The following GPR137B variants were observed in gnomAD, a reference collection of about 807,000 sequenced individuals.
GPR137B encodes the protein integral membrane protein GPR137B.
In GPR137B, 42 loss-of-function variants were observed where a neutral mutation model predicts 42.5. The observed-to-expected ratio is 0.99, with a 90% CI of 0.77 to 1.28. GPR137B has a LOEUF of 1.28. Among genes scored for constraint, GPR137B ranks in the 50% most tolerant of loss-of-function variants. The pLI is 0.00. For synonymous variants in GPR137B, 218 were observed against 209.7 expected (o/e 1.04, Z -0.34); for missense variants, 487 against 493.9 (o/e 0.99, Z 0.13).
intron 5 of GPR137B, among the ~76,000 whole-genome samples, chr1:236,187,662 G>A (rs1484834104): frequency 6.6e-6 from 1 of 151,330 alleles, no homozygotes; most frequent in Non-Finnish European, 1.5e-5. Flanking sequence ...TTATTTCTGA[G>A]GCTTCTGTTC....
intron 5 of GPR137B, among the ~76,000 whole-genome samples, chr1:236,193,999 T>C (rs1453079684): frequency 6.6e-6 from 1 of 152,214 alleles, no homozygotes; most frequent in African/African-American, 2.4e-5. Context: ...ACTTTACAGA[T>C]GGTGTGAAAG....
chr1:236,153,061 A>G (rs1350604192), intron 1 of GPR137B, among the ~76,000 whole-genome samples: 11 of 142,346 alleles, frequency 7.7e-5, no homozygotes, highest in African/African-American at 2.5e-4. Flanking sequence ...ATCTCGGGGA[A>G]AAAAAAAAAA....
At chr1:236,172,862 A>AG (rs1252059955) in intron 2 of GPR137B, among the ~76,000 whole-genome samples, 1 of 144,624 alleles carries the variant, frequency 6.9e-6, no homozygotes, top group Non-Finnish European at 1.5e-5. Flanking sequence ...TTAAAAAAAA[A>AG]TTTTTTTTTT....
intron 5 of GPR137B, among the ~76,000 whole-genome samples, chr1:236,200,671 T>G (rs1558496262): frequency 6.6e-6 from 1 of 152,060 alleles, no homozygotes; most frequent in Non-Finnish European, 1.5e-5. Flanking sequence ...TCCTGCTTAC[T>G]TTTTGTTTTC....
At chr1:236,166,214 G>A (rs1662348428) in intron 1 of GPR137B, among the ~76,000 whole-genome samples, 1 of 152,128 alleles carries the variant, frequency 6.6e-6, no homozygotes, top group African/African-American at 2.4e-5. Flanking sequence ...TCTGTGTTGT[G>A]TGAAATCAGT....
rs1208446394 is a variant in GPR137B at position 236,178,613 on chromosome 1, G to C, written c.664G>C (p.Ala222Pro). 6.2e-7 allele frequency: 1 copy of C among 1,609,598 alleles called. No individual in the cohort carries two copies. Among genetic ancestry groups the C allele is most frequent in the African/African-American group, 1.3e-5 (1 of 74,744 alleles). Reference sequence around the variant, plus strand: ...CTACAAAATCTCTAAGATGTCCTTAGCCAACATTTACTTGGAGTCCAAGGT... The same window carrying C: ...CTACAAAATCTCTAAGATGTCCTTACCCAACATTTACTTGGAGTCCAAGGT... Reference protein sequence around the residue: ...CLYKISKMSLANIYLESKGSS... With the variant: ...CLYKISKMSLPNIYLESKGSS... Residue 222 changes from alanine to proline, a missense_variant, in exon 3 of 7, where the codon GCC becomes CCC. By Grantham distance (27) the Ala-to-Pro change is conservative. Transcript: ENST00000366592.
In GPR137B at chr1:236,159,541, C is replaced by T. The variant is rs547963335; in HGVS notation, c.415-9165C>T. ...TACAAAAATGAGCCAGGCATGGTGG[C>T]GGGTGCTTGTAATCCCAGCTACTCG... On this transcript the variant is annotated intron_variant, in intron 1 of 6. Coordinates refer to ENST00000366592, the MANE Select transcript of GPR137B (RefSeq NM_003272.4). Among the ~76,000 whole-genome samples, 184 of 150,538 alleles carry T rather than the reference C, an allele frequency of 1.2e-3. 1 individual carries two copies. The highest frequency in any genetic ancestry group is 4.2e-3 in the African/African-American group (171 of 40,888).
intron 6 of GPR137B, chr1:236,207,126 GT>G: frequency 3.0e-6 from 3 of 984,940 alleles, no homozygotes; most frequent in Non-Finnish European, 3.6e-6. Context: ...AAGAGTCCTT[GT>G]TTTAGGGACA....
intron 5 of GPR137B, among the ~76,000 whole-genome samples, chr1:236,186,513 G>A (rs1247504490): frequency 3.0e-5 from 4 of 131,540 alleles, no homozygotes; most frequent in Non-Finnish European, 6.4e-5. Flanking sequence ...ACAGGCCCCA[G>A]TGTGTGATGT....
At chr1:236,147,270 C>G (rs1205052022) in intron 1 of GPR137B, among the ~76,000 whole-genome samples, 1 of 152,236 alleles carries the variant, frequency 6.6e-6, no homozygotes, top group Non-Finnish European at 1.5e-5. Context: ...GGCACACTCT[C>G]TCGTGACTGC....
rs1661562222 is a variant in GPR137B at position 236,142,813 on chromosome 1, T to C, written c.191T>C (p.Leu64Pro). ...ALLFVFIYVQLWLVLRYRHKR... is the reference protein window; with the variant it reads ...ALLFVFIYVQPWLVLRYRHKR... ...CTCTTCGTGTTCATCTACGTGCAGC[T>C]CTGGCTGGTGCTGCGTTACCGCCAC... Residue 64 changes from leucine (L) to proline (P), a missense_variant, in exon 1 of 7, where the codon CTC becomes CCC. Transcript: ENST00000366592. 6.2e-7 allele frequency: 1 copy of C among 1,613,846 alleles called. No homozygotes were observed. Among genetic ancestry groups the C allele is most frequent in the African/African-American group, 1.3e-5 (1 of 74,930 alleles).
intron 1 of GPR137B, among the ~76,000 whole-genome samples, chr1:236,164,390 G>GCA (rs2102900493): frequency 6.6e-6 from 1 of 152,308 alleles, no homozygotes; most frequent in South Asian, 2.1e-4. Flanking sequence ...TGCTGTCAAA[G>GCA]CACCAGAGAG....
At chr1:236,202,679 C>T (rs1663527282) in intron 5 of GPR137B, among the ~76,000 whole-genome samples, 1 of 152,266 alleles carries the variant, frequency 6.6e-6, no homozygotes, top group South Asian at 2.1e-4. Context: ...CCATTCCCTG[C>T]CTGTTGAACT....
intron 5 of GPR137B, among the ~76,000 whole-genome samples, chr1:236,192,691 T>C (rs1663228101): frequency 6.6e-6 from 1 of 151,988 alleles, no homozygotes; most frequent in South Asian, 2.1e-4. Context: ...GCAGTCCCAG[T>C]GAGAAGAACC....
chr1:236,169,001 G>C (rs1343923209), intron 2 of GPR137B, among the ~76,000 whole-genome samples: 1 of 152,210 alleles, frequency 6.6e-6, no homozygotes, highest in Non-Finnish European at 1.5e-5. Context: ...ACAAGAGCCT[G>C]GTGCCTTTCC....
chr1:236,157,522 C>T (rs1487512493), intron 1 of GPR137B, among the ~76,000 whole-genome samples: 2 of 152,112 alleles, frequency 1.3e-5, no homozygotes, highest in African/African-American at 2.4e-5. Context: ...GTGCCCGGCC[C>T]GATTCCACAC....
chr1:236,194,610 G>T (rs565103353), intron 5 of GPR137B, among the ~76,000 whole-genome samples: 1 of 152,272 alleles, frequency 6.6e-6, no homozygotes, highest in African/African-American at 2.4e-5. Flanking sequence ...GCCTGATTTG[G>T]TGTACCATAT....
intron 5 of GPR137B, among the ~76,000 whole-genome samples, chr1:236,189,316 A>G (rs1055975426): frequency 4.6e-5 from 7 of 151,772 alleles, no homozygotes; most frequent in African/African-American, 7.3e-5. Flanking sequence ...TCGTGTCTCT[A>G]TCTCCTTCAG....
chr1:236,175,534 C>T (rs1254284121), intron 2 of GPR137B, among the ~76,000 whole-genome samples: 1 of 152,190 alleles, frequency 6.6e-6, no homozygotes, highest in Non-Finnish European at 1.5e-5. Flanking sequence ...TAGCGCTCTT[C>T]ACAAAAGCAC....
Sources: gnomAD v4.1 joint callset for allele counts (sites outside exome capture counted in the v4.1 genomes callset) on GRCh38, gnomAD v4.1.1 for gene constraint, MANE v1.5 for transcripts, NCBI Gene and HGNC (gene_info 2026-07-23, HGNC 2026-07-21) for gene names.